Variants in SLC37A3 observed in about 807,000 individuals in gnomAD.
SLC37A3 encodes sugar phosphate exchanger 3.
SLC37A3 carries 51 observed loss-of-function variants against 67.1 expected under a neutral mutation model. The observed-to-expected ratio is 0.76, with a 90% CI of 0.61 to 0.96. The LOEUF (loss-of-function observed/expected upper bound fraction) is 0.96, where lower values mean the gene tolerates loss of function less well. Among genes scored for constraint, SLC37A3 ranks in the 40% least tolerant of loss-of-function variants. The pLI is 0.00. For synonymous variants in SLC37A3, 214 were observed against 231.4 expected (o/e 0.92, Z 0.68); for missense variants, 508 against 603.0 (o/e 0.84, Z 1.65).
intron 13 of SLC37A3, among the ~76,000 whole-genome samples, chr7:140,340,797 G>T (rs1055403580): frequency 6.6e-6 from 1 of 152,082 alleles, no homozygotes; most frequent in African/African-American, 2.4e-5. Context: ...TGGGCATGGT[G>T]GTGGGTACCT....
At chr7:140,394,176 A>C (rs1401535219) in intron 1 of SLC37A3, among the ~76,000 whole-genome samples, 2 of 152,024 alleles carry the variant, frequency 1.3e-5, no homozygotes, top group Admixed American at 6.6e-5. Context: ...ATATCAAAAA[A>C]AAAAGTTTTT....
chr7:140,361,693 C>T (rs1027224454), intron 5 of SLC37A3, among the ~76,000 whole-genome samples: 1 of 150,160 alleles, frequency 6.7e-6, no homozygotes, highest in Non-Finnish European at 1.5e-5. Flanking sequence ...CGATTGCAGG[C>T]GCGCGCCGCC....
rs544336576 is a variant in SLC37A3, at chr7:140,347,229, G to C, written c.1025-1259C>G. On this transcript the variant is annotated intron_variant, in intron 10 of 14. Transcript: ENST00000326232. ...TCGTGCCACTCCAGCGTGGGCGACA[G>C]AGCAGTACCCCCATCTCCAAAAAAA... 7.1e-5 allele frequency among the ~76,000 whole-genome samples: 10 copies of C among 140,872 alleles called. 1 individual carries two copies. In the South Asian group the frequency reaches 1.7e-3, roughly 25 times the overall value. 92.4% of individuals were successfully genotyped at this position (140,872 alleles called of 152,430 possible). A position where few individuals can be genotyped will look rare whatever the true frequency, so the allele number is the denominator to read the frequency against.
chr7:140,386,018 G>C (rs754577886), intron 1 of SLC37A3, among the ~76,000 whole-genome samples: 4 of 152,100 alleles, frequency 2.6e-5, no homozygotes, highest in Non-Finnish European at 5.9e-5. Context: ...CCTAACCTCA[G>C]ATGATCCACC....
intron 6 of SLC37A3, among the ~76,000 whole-genome samples, chr7:140,356,324 T>C (rs185678247): frequency 7.6e-4 from 116 of 152,222 alleles, no homozygotes; most frequent in African/African-American, 2.8e-3. Context: ...ACAAAGTCTT[T>C]GAAAAGTGGG....
chr7:140,386,304 G>A (rs1362380881), intron 1 of SLC37A3, among the ~76,000 whole-genome samples: 4 of 151,866 alleles, frequency 2.6e-5, no homozygotes, highest in Non-Finnish European at 4.4e-5. Flanking sequence ...TCCTGGCCTC[G>A]GGGAATCCTT....
At chr7:140,376,247 A>C (rs558167950) in intron 3 of SLC37A3, among the ~76,000 whole-genome samples, 1 of 152,372 alleles carries the variant, frequency 6.6e-6, no homozygotes, top group African/African-American at 2.4e-5. Context: ...AGTAGGACTA[A>C]CAAACAGATT....
chr7:140,356,385 C>T (rs547143635), intron 6 of SLC37A3, among the ~76,000 whole-genome samples: 8 of 151,952 alleles, frequency 5.3e-5, no homozygotes, highest in South Asian at 2.1e-4. Flanking sequence ...AAGAAGCACA[C>T]GAAAAAACAC....
At chr7:140,364,076 C>G (rs1797496988) in intron 5 of SLC37A3, among the ~76,000 whole-genome samples, 1 of 152,108 alleles carries the variant, frequency 6.6e-6, no homozygotes, top group African/African-American at 2.4e-5. Flanking sequence ...CATGGTGAAA[C>G]CCCGTCTCTA....
intron 1 of SLC37A3, among the ~76,000 whole-genome samples, chr7:140,390,196 A>G (rs1798669692): frequency 6.6e-6 from 1 of 152,130 alleles, no homozygotes; most frequent in Non-Finnish European, 1.5e-5. Flanking sequence ...AAGAGATGAC[A>G]TACATGAAGC....
At chr7:140,363,978 C>T (rs373669727) in intron 5 of SLC37A3, among the ~76,000 whole-genome samples, 1 of 152,274 alleles carries the variant, frequency 6.6e-6, no homozygotes, top group African/African-American at 2.4e-5. Context: ...CTCATCTGGC[C>T]AGGCGCAGTG....
chr7:140,390,125 G>A (rs73474988), intron 1 of SLC37A3, among the ~76,000 whole-genome samples: 4,486 of 152,090 alleles, frequency 0.029, 234 homozygotes, highest in African/African-American at 0.1. Context: ...CAACTGTCTC[G>A]TATTAGGAAC....
chr7:140,335,161 C>A lies in SLC37A3; in HGVS notation c.*251G>T. ...CGGGCAGAGTCAGAGGTCAAAGATG[C>A]TGGCAGAGTCAGAAGTCACTCGGCA... On this transcript the variant is annotated 3_prime_UTR_variant, in exon 15 of 15. Transcript: ENST00000326232. 6.8e-7 allele frequency: 1 copy of A among 1,478,684 alleles called. No homozygotes were observed. The allele number at this position is 1,478,684 out of a possible 1,614,324, so 91.6% of individuals were successfully genotyped here.
chr7:140,378,331 C>T (rs1798112029), intron 3 of SLC37A3, among the ~76,000 whole-genome samples: 1 of 152,142 alleles, frequency 6.6e-6, no homozygotes, highest in Non-Finnish European at 1.5e-5. Flanking sequence ...TTTCTTCTGC[C>T]TGGAACTACT....
At chr7:140,364,574 A>G in intron 4 of SLC37A3, 83 bp from the exon 5 acceptor site, 1 of 1,226,936 alleles carries the variant, frequency 8.2e-7, no homozygotes, top group Non-Finnish European at 1.2e-6. Flanking sequence ...CAAATGAGAC[A>G]AACACAGATA....
At chr7:140,362,579 C>T in intron 5 of SLC37A3, among the ~76,000 whole-genome samples, 1 of 104,290 alleles carries the variant, frequency 9.6e-6, no homozygotes, top group Admixed American at 8.8e-5. Flanking sequence ...GGCCAGCCGC[C>T]CCGTCCGGGA....
At chr7:140,393,909 A>T (rs1327796026) in intron 1 of SLC37A3, among the ~76,000 whole-genome samples, 1 of 152,154 alleles carries the variant, frequency 6.6e-6, no homozygotes, top group East Asian at 1.9e-4. Context: ...GATGGCTCAC[A>T]CTTGTAATCT....
At chr7:140,341,751 T>C (rs1796369791) in intron 13 of SLC37A3, among the ~76,000 whole-genome samples, 1 of 152,132 alleles carries the variant, frequency 6.6e-6, no homozygotes, top group Non-Finnish European at 1.5e-5. Context: ...AAGCAAATTC[T>C]CTGAAATACT....
chr7:140,337,532 T>C, intron 13 of SLC37A3, 183 bp from the exon 14 acceptor site: 3 of 445,730 alleles, frequency 6.7e-6, no homozygotes, highest in East Asian at 7.1e-5. Flanking sequence ...CATTTAAGCA[T>C]GCAGAGTCCA....
Sources: allele counts gnomAD v4.1 joint callset (sites outside exome capture counted in the v4.1 genomes callset), GRCh38; gene constraint gnomAD v4.1.1; transcripts MANE v1.5; gene names NCBI Gene and HGNC (gene_info 2026-07-23, HGNC 2026-07-21).